Variants in YES1 observed in about 807,000 individuals in gnomAD.
The protein encoded by YES1 is tyrosine-protein kinase Yes.
Under a neutral mutation model 70.4 loss-of-function variants are expected in YES1, and 39 were observed. The ratio of observed to expected loss-of-function variants is 0.55; its 90% CI spans 0.43 to 0.72. The LOEUF is 0.72. Ranked by LOEUF, YES1 falls within the 30% of genes least tolerant of loss-of-function variation. The pLI is 0.00. For missense variants in YES1, 495 were observed against 644.8 expected (o/e 0.77, Z 2.52); for synonymous variants, 198 against 218.6 (o/e 0.91, Z 0.83).
In YES1 at chr18:736,838, T is replaced by C. The variant is rs1307578893; in HGVS notation, c.1261A>G (p.Ile421Val). ...KIADFGLARLIEDNEYTARQG... is the reference protein window; with the variant it reads ...KIADFGLARLVEDNEYTARQG... ...CTTGCTGTGTATTCATTGTCTTCAA[T>C]TAACCTTGCTAAACCAAAGTCTGCT... The change falls in exon 10 of 12, where the codon ATT becomes GTT. Residue 421 changes from isoleucine to valine, a missense_variant. Around this residue, in one of 2 missense-constraint regions of YES1, gnomAD observed 385 missense variants for 540.9 expected, o/e 0.71. Transcript: ENST00000314574. 1 of 1,612,174 alleles carries C rather than the reference T, an allele frequency of 6.2e-7. No individual in the cohort carries two copies. The highest frequency in any genetic ancestry group is 8.5e-7 in the Non-Finnish European group (1 of 1,179,982).
intron 1 of YES1, chr18:775,278 G>C (rs963411167): frequency 5.3e-5 from 8 of 151,886 alleles, no homozygotes; most frequent in African/African-American, 1.9e-4. Context: ...TGTAAATGTG[G>C]GCAAATTTAA....
In YES1 at chr18:739,741, A is replaced by G; in HGVS notation, c.1131T>C (p.Ala377=). Residue 377 remains alanine, a synonymous_variant, in exon 9 of 12, where the codon GCT becomes GCC. Transcript: ENST00000314574. ...CATGTATATATACAGATACCTGAGC[A>G]GCCATATCAACCAGCTGTGGAAGCT... ...YLKLPQLVDM[A]AQIADGMAYI... is the part of the protein sequence containing the mutation. 1 of 1,611,192 alleles carries G rather than the reference A, an allele frequency of 6.2e-7. No individual in the cohort carries two copies. Among genetic ancestry groups the G allele is most frequent in the Non-Finnish European group, 8.5e-7 (1 of 1,178,660 alleles).
At chr18:751,880 CAA>C (rs34440107) in intron 2 of YES1, 76 bp from the exon 3 acceptor site, 1,435 of 679,480 alleles carry the variant, frequency 2.1e-3, no homozygotes, top group Admixed American at 2.9e-3. Context: ...TATTGCCAGC[CAA>C]AAAAAAAAAA....
intron 4 of YES1, among the ~76,000 whole-genome samples, chr18:746,880 C>T (rs2080287190): frequency 6.6e-6 from 1 of 152,156 alleles, no homozygotes; most frequent in South Asian, 2.1e-4. Context: ...CTTTGTCATA[C>T]TCTCTCCCTC....
At chr18:733,092 A>G (rs989959672) in intron 10 of YES1, 127 bp from the exon 11 acceptor site, 4 of 823,366 alleles carry the variant, frequency 4.9e-6, no homozygotes, top group Non-Finnish European at 7.6e-6. Context: ...CTTTAAATGT[A>G]CAAGATACAT....
At position 746,050 on chromosome 18, in the gene YES1, A is replaced by T. The variant is rs1171730009; in HGVS notation, c.472T>A (p.Trp158Arg). The change falls in exon 5 of 12, where the codon TGG (tryptophan) becomes AGG (arginine). Residue 158 changes from tryptophan to arginine, a missense_variant and splice_region_variant. By Grantham distance (101) the Trp-to-Arg change is moderately radical. This residue lies in a region of YES1 where 385 missense variants were observed against 540.9 expected (regional missense o/e 0.71). Coordinates refer to ENST00000314574, the MANE Select transcript of YES1 (RefSeq NM_005433.4). ...TTTCTCCCCATTTTGCCAAAATACC[A>T]TCTGGAAAAAAATTAAGTGTTTTGA... Reference protein sequence around the residue: ...APADSIQAEEWYFGKMGRKDA... With the variant: ...APADSIQAEERYFGKMGRKDA... 1.2e-6 allele frequency: 2 copies of T among 1,608,280 alleles called. No homozygotes were observed. The highest frequency in any genetic ancestry group is 8.5e-7 in the Non-Finnish European group (1 of 1,177,566).
rs533437963 is a variant in YES1, at chr18:794,126, G to A, written c.-9+17988C>T. ...AAGAGAAATATGTTCATTTTGTGGT[G>A]ATGAAACCTGACAGATATCACTTAA... On this transcript the variant is annotated intron_variant, in intron 1 of 11. Transcript: ENST00000314574. Among the ~76,000 whole-genome samples, 5 of 152,316 alleles carry A rather than the reference G, an allele frequency of 3.3e-5. No individual in the cohort carries two copies. In the South Asian group the frequency reaches 1.0e-3, roughly 32 times the overall value.
At chr18:726,150 G>A (rs1299316164) in intron 11 of YES1, among the ~76,000 whole-genome samples, 1 of 152,172 alleles carries the variant, frequency 6.6e-6, no homozygotes, top group East Asian at 1.9e-4. Context: ...CAAAGGCCGG[G>A]TGCGGTGGCT....
chr18:730,501 C>T (rs565599403), intron 11 of YES1, among the ~76,000 whole-genome samples: 3 of 152,096 alleles, frequency 2.0e-5, no homozygotes, highest in South Asian at 2.1e-4. Context: ...TGAGTCACCA[C>T]GCCCAACTGG....
At chr18:724,694 C>G in intron 11 of YES1, 62 bp from the exon 12 acceptor site, 1 of 1,360,352 alleles carries the variant, frequency 7.4e-7, no homozygotes, top group Non-Finnish European at 1.0e-6. Flanking sequence ...GAAAACATAA[C>G]AAACCCCCTA....
intron 3 of YES1, among the ~76,000 whole-genome samples, chr18:750,928 T>C (rs545113730): frequency 6.6e-6 from 1 of 152,332 alleles, no homozygotes; most frequent in East Asian, 1.9e-4. Context: ...ATTCAGTATG[T>C]CTGGGTATTA....
chr18:748,328 G>A (rs1388764620), intron 3 of YES1, among the ~76,000 whole-genome samples: 2 of 149,966 alleles, frequency 1.3e-5, no homozygotes, highest in African/African-American at 2.4e-5. Context: ...CAATTTGGGA[G>A]GTAAATCTTT....
intron 1 of YES1, among the ~76,000 whole-genome samples, chr18:800,747 A>G (rs553528380): frequency 1.2e-4 from 18 of 152,380 alleles, no homozygotes; most frequent in South Asian, 6.2e-4. Flanking sequence ...TGATGTTCAT[A>G]TAACAGTAAT....
chr18:733,104 G>T, intron 10 of YES1, 139 bp from the exon 11 acceptor site: 2 of 672,884 alleles, frequency 3.0e-6, no homozygotes, highest in Non-Finnish European at 4.6e-6. Context: ...AAGATACATG[G>T]GATAAAAATT....
At chr18:751,621 TG>T in intron 3 of YES1, 83 bp downstream of exon 3, 1 of 929,944 alleles carries the variant, frequency 1.1e-6, no homozygotes, top group Non-Finnish European at 1.7e-6. Context: ...CTCTCATCTC[TG>T]GATCATCAAC....
In YES1 at chr18:736,882, T is replaced by C. The variant is rs752901062; in HGVS notation, c.1217A>G (p.Glu406Gly). The C allele has an allele frequency of 6.2e-7, 1 of 1,612,910 alleles. No individual in the cohort carries two copies. Among genetic ancestry groups the C allele is most frequent in the Non-Finnish European group, 8.5e-7 (1 of 1,179,990 alleles). Residue 406 changes from glutamate (E) to glycine (G), a missense_variant, in exon 10 of 12, where the codon GAA becomes GGA. By Grantham distance (98) the Glu-to-Gly change is moderately conservative. Around this residue, in one of 2 missense-constraint regions of YES1, gnomAD observed 385 missense variants for 540.9 expected, o/e 0.71. Coordinates refer to ENST00000314574, the MANE Select transcript of YES1 (RefSeq NM_005433.4). Reference protein sequence around the residue: ...DLRAANILVGENLVCKIADFG... With the variant: ...DLRAANILVGGNLVCKIADFG... ...GTCTGCTATTTTGCACACAAGATTT[T>C]CTCCTACAAGAATATTAGCAGCCCG...
intron 11 of YES1, among the ~76,000 whole-genome samples, chr18:729,976 G>GA (rs2080069599): frequency 6.6e-6 from 1 of 152,104 alleles, no homozygotes; most frequent in Non-Finnish European, 1.5e-5. Flanking sequence ...CATATATCTA[G>GA]TAACTTTTTA....
intron 1 of YES1, among the ~76,000 whole-genome samples, chr18:776,596 C>A (rs1465695046): frequency 6.6e-6 from 1 of 152,068 alleles, no homozygotes; most frequent in East Asian, 1.9e-4. Flanking sequence ...GGATTTAGTG[C>A]ATTTACTCCT....
intron 1 of YES1, among the ~76,000 whole-genome samples, chr18:771,214 A>C (rs961357823): frequency 2.6e-5 from 4 of 151,990 alleles, no homozygotes; most frequent in Admixed American, 2.0e-4. Flanking sequence ...TAAAAATACA[A>C]AAATAAGCTG....
Sources: gnomAD v4.1 joint callset for allele counts (sites outside exome capture counted in the v4.1 genomes callset) on GRCh38, gnomAD v4.1.1 for gene constraint, gnomAD v4.1.1 regional missense constraint, MANE v1.5 for transcripts, NCBI Gene and HGNC (gene_info 2026-07-23, HGNC 2026-07-21) for gene names.